Variants in SPATA45 observed in about 807,000 individuals in gnomAD.
The protein encoded by SPATA45 is spermatogenesis-associated protein 45.
A neutral mutation model predicts 7.0 loss-of-function variants in SPATA45; 5 were observed. The ratio of observed to expected loss-of-function variants is 0.71; its 90% CI spans 0.37 to 1.50. SPATA45 has a LOEUF of 1.50. SPATA45 is among the 40% of genes most tolerant of loss of function. The pLI is 0.03. For synonymous variants in SPATA45, 40 were observed against 38.7 expected, an observed-to-expected ratio of 1.03 and a Z score of -0.13; for missense variants, 111 against 114.9, an observed-to-expected ratio of 0.97 and a Z score of 0.16.
intron 1 of SPATA45, among the ~76,000 whole-genome samples, chr1:212,844,130 A>G (rs9430102): frequency 0.7 from 105,848 of 152,020 alleles, 37,335 homozygotes; most frequent in African/African-American, 0.76. Flanking sequence ...CCGGGACTGC[A>G]CCCTGTAGCC....
At chr1:212,833,992 G>T (rs1323122218) in intron 2 of SPATA45, among the ~76,000 whole-genome samples, 1 of 151,516 alleles carries the variant, frequency 6.6e-6, no homozygotes, top group Non-Finnish European at 1.5e-5. Flanking sequence ...CAGGTGATCC[G>T]CCCACCTCGG....
intron 1 of SPATA45, among the ~76,000 whole-genome samples, chr1:212,841,944 G>A (rs1289422354): frequency 6.6e-6 from 1 of 151,640 alleles, no homozygotes; most frequent in Non-Finnish European, 1.5e-5. Context: ...ATTTTTAGTA[G>A]AGAGGGGGTT....
chr1:212,830,291 TTA>T, intron 2 of SPATA45, 30 bp from the exon 3 acceptor site: 1 of 1,270,980 alleles, frequency 7.9e-7, no homozygotes, highest in African/African-American at 1.5e-5. Context: ...AAAGTATTTG[TTA>T]TATAACTTAT....
intron 1 of SPATA45, among the ~76,000 whole-genome samples, chr1:212,844,405 C>G (rs1188268899): frequency 2.0e-5 from 3 of 152,196 alleles, no homozygotes; most frequent in Admixed American, 6.5e-5. Context: ...GGACTTCAAT[C>G]TGGCCTCCCA....
intron 1 of SPATA45, among the ~76,000 whole-genome samples, chr1:212,840,099 A>AT (rs938510775): frequency 6.6e-6 from 1 of 151,428 alleles, no homozygotes; most frequent in Non-Finnish European, 1.5e-5. Flanking sequence ...TGAATTTATA[A>AT]TTTTTTTTCT....
chr1:212,833,054 A>G (rs2102507605), intron 2 of SPATA45, among the ~76,000 whole-genome samples: 1 of 151,642 alleles, frequency 6.6e-6, no homozygotes, highest in Non-Finnish European at 1.5e-5. Flanking sequence ...AAGGGATTAT[A>G]GAGTGTTGAG....
chr1:212,844,783 C>T (rs9430103), intron 1 of SPATA45, among the ~76,000 whole-genome samples: 12,557 of 152,216 alleles, frequency 0.082, 801 homozygotes, highest in African/African-American at 0.17. Flanking sequence ...TTCCTCACTA[C>T]GCAAGTATCC....
chr1:212,832,360 T>A (rs1321968041), intron 2 of SPATA45, among the ~76,000 whole-genome samples: 1 of 22,616 alleles, frequency 4.4e-5, no homozygotes, highest in Non-Finnish European at 1.3e-4. Flanking sequence ...AAATCTAAGC[T>A]TTTTTTTTTT....
intron 1 of SPATA45, among the ~76,000 whole-genome samples, chr1:212,839,703 G>GGCA (rs1341648722): frequency 6.6e-6 from 1 of 151,732 alleles, no homozygotes; most frequent in East Asian, 1.9e-4. Context: ...GGGAAAGGTA[G>GGCA]GCAGCAAGGG....
chr1:212,835,156 G>C (rs1663565365), intron 2 of SPATA45, among the ~76,000 whole-genome samples: 1 of 151,556 alleles, frequency 6.6e-6, no homozygotes, highest in South Asian at 2.1e-4. Context: ...AATACTCAGG[G>C]GACCTCTTTC....
At chr1:212,843,139 A>ACACT (rs1229697163) in intron 1 of SPATA45, among the ~76,000 whole-genome samples, 109 of 144,396 alleles carry the variant, frequency 7.5e-4, no homozygotes, top group African/African-American at 2.6e-3. Flanking sequence ...ACACACACAC[A>ACACT]CTTAGCTGGG....
intron 1 of SPATA45, among the ~76,000 whole-genome samples, chr1:212,840,844 TCCTGA>T (rs1663668477): frequency 6.6e-6 from 1 of 152,068 alleles, no homozygotes. Context: ...GGACTCGATC[TCCTGA>T]CCTCTTGATC....
At chr1:212,837,679 A>G (rs1027328403) in intron 1 of SPATA45, among the ~76,000 whole-genome samples, 2 of 151,698 alleles carry the variant, frequency 1.3e-5, no homozygotes, top group African/African-American at 4.8e-5. Context: ...GCTCACGCCT[A>G]TAATCCCAAC....
chr1:212,836,285 A>C (rs1663583223), intron 1 of SPATA45, 98 bp from the exon 2 acceptor site: 1 of 921,910 alleles, frequency 1.1e-6, no homozygotes, highest in Non-Finnish European at 1.6e-6. Context: ...CTTCTATAAA[A>C]TAACACCACA....
chr1:212,831,231 G>A (rs2102506329), intron 2 of SPATA45, among the ~76,000 whole-genome samples: 1 of 151,408 alleles, frequency 6.6e-6, no homozygotes, highest in East Asian at 1.9e-4. Flanking sequence ...CGCTTTGGGA[G>A]GCTGAGGCAG....
intron 2 of SPATA45, among the ~76,000 whole-genome samples, chr1:212,832,500 C>A (rs905618359): frequency 7.3e-5 from 11 of 150,668 alleles, no homozygotes; most frequent in African/African-American, 2.7e-4. Context: ...TGAGCCAGCA[C>A]ACCAAAACCT....
At chr1:212,835,836 CAAAAA>C in intron 2 of SPATA45, 32 bp downstream of exon 2, 4 of 1,358,480 alleles carry the variant, frequency 2.9e-6, no homozygotes, top group East Asian at 2.5e-5. Context: ...AACTCCATCT[CAAAAA>C]AAAAAAAAAA....
chr1:212,833,962 A>G (rs2102508220), intron 2 of SPATA45, among the ~76,000 whole-genome samples: 1 of 151,922 alleles, frequency 6.6e-6, no homozygotes, highest in Non-Finnish European at 1.5e-5. Flanking sequence ...AGTGAGACGT[A>G]ATACTTCCTC....
At chr1:212,842,205 C>A (rs1250447293) in intron 1 of SPATA45, among the ~76,000 whole-genome samples, 1 of 151,546 alleles carries the variant, frequency 6.6e-6, no homozygotes, top group East Asian at 2.0e-4. Context: ...TGGTGAAACC[C>A]GGTCTCTACT....
Sources: gnomAD v4.1 joint callset for allele counts (sites outside exome capture counted in the v4.1 genomes callset) on GRCh38, gnomAD v4.1.1 for gene constraint, MANE v1.5 for transcripts, NCBI Gene and HGNC (gene_info 2026-07-23, HGNC 2026-07-21) for gene names.